CDHR3: variants seen among roughly 807,000 people sequenced by gnomAD.
CDHR3 encodes the protein cadherin-related family member 3.
Under a neutral mutation model 86.6 loss-of-function variants are expected in CDHR3, and 79 were observed. That is an observed-to-expected ratio of 0.91 (90% confidence interval 0.76 to 1.10). The LOEUF (loss-of-function observed/expected upper bound fraction) is 1.10, where lower values mean the gene tolerates loss of function less well. Among genes scored for constraint, CDHR3 ranks in the 50% least tolerant of loss-of-function variants. The pLI, the probability that CDHR3 is intolerant of heterozygous loss-of-function variation, is 0.00. For missense variants in CDHR3, 1,081 were observed against 1,077.6 expected, an observed-to-expected ratio of 1.00 and a Z score of -0.04; for synonymous variants, 421 against 402.4, an observed-to-expected ratio of 1.05 and a Z score of -0.55.
chr7:106,025,877 A>ATTT, intron 15 of CDHR3, among the ~76,000 whole-genome samples: 1 of 152,036 alleles, frequency 6.6e-6, no homozygotes, highest in Non-Finnish European at 1.5e-5. Flanking sequence ...GATTTTTTTA[A>ATTT]AAAAAAACAG....
chr7:105,980,874 T>C (rs914751883), intron 2 of CDHR3, 94 bp from the exon 3 acceptor site: 1 of 1,185,408 alleles, frequency 8.4e-7, no homozygotes, highest in African/African-American at 1.5e-5. Flanking sequence ...GGATGCCAGA[T>C]GCTTCCTTCC....
chr7:105,996,281 G>A lies in CDHR3; in HGVS notation c.640G>A (p.Gly214Arg). ...FHLIVEVRDSGGLKASTELQV... is the reference protein window; with the variant it reads ...FHLIVEVRDSRGLKASTELQV... ...TCTCATCGTGGAGGTGAGGGACAGTGGAGGCCTCAAAGCCTCCACAGAGCT... is the reference window on the plus strand; with the variant it reads ...TCTCATCGTGGAGGTGAGGGACAGTAGAGGCCTCAAAGCCTCCACAGAGCT... Residue 214 changes from glycine (G) to arginine (R), a missense_variant, in exon 6 of 19, where the codon GGA (glycine) becomes AGA (arginine). Coordinates refer to ENST00000317716, the MANE Select transcript of CDHR3 (RefSeq NM_152750.5). 2 of 1,598,480 alleles carry A rather than the reference G, an allele frequency of 1.3e-6. No individual in the cohort carries two copies. Among genetic ancestry groups the A allele is most frequent in the Non-Finnish European group, 1.7e-6 (2 of 1,167,260 alleles).
At chr7:106,022,646 G>C (rs1386812182) in intron 14 of CDHR3, among the ~76,000 whole-genome samples, 198 bp downstream of exon 14, 1 of 152,166 alleles carries the variant, frequency 6.6e-6, no homozygotes, top group Non-Finnish European at 1.5e-5. Flanking sequence ...ACTCATAACC[G>C]CTAACTCAAC....
chr7:106,028,407 A>T, intron 16 of CDHR3, 144 bp from the exon 17 acceptor site: 1 of 881,984 alleles, frequency 1.1e-6, no homozygotes, highest in Non-Finnish European at 1.9e-6. Flanking sequence ...GTCAAGAAAC[A>T]TATCTATAGA....
rs992796915 is a variant in CDHR3, at chr7:106,025,122, T to G, written c.2258+560T>G. Among the ~76,000 whole-genome samples, 10 of 152,318 alleles carry G rather than the reference T, an allele frequency of 6.6e-5. No homozygotes were observed. The East Asian group carries it at 1.7e-3, about 26-fold the overall frequency. ...TCCAGTTTTCAGCTGCCCACTAATA[T>G]GCCTCTTATTGTGCCAATCTGTGAT... On this transcript the variant is annotated intron_variant, in intron 15 of 18. Transcript: ENST00000317716.
chr7:105,993,989 T>C (rs1831798136), intron 4 of CDHR3, among the ~76,000 whole-genome samples: 1 of 152,240 alleles, frequency 6.6e-6, no homozygotes, highest in Non-Finnish European at 1.5e-5. Context: ...ACTTTCCTTA[T>C]GCCACGTGCC....
intron 2 of CDHR3, among the ~76,000 whole-genome samples, chr7:105,977,950 A>G (rs562900838): frequency 9.3e-4 from 142 of 152,342 alleles, no homozygotes; most frequent in Middle Eastern, 6.8e-3. Flanking sequence ...GGCATTTACC[A>G]TATGCCAGGA....
intron 4 of CDHR3, among the ~76,000 whole-genome samples, chr7:105,987,865 T>G (rs1830746510): frequency 6.6e-6 from 1 of 152,192 alleles, no homozygotes. Context: ...CTTAGGCAAT[T>G]ATTCTGGACG....
At chr7:105,986,562 G>A (rs981675981) in intron 4 of CDHR3, among the ~76,000 whole-genome samples, 3 of 152,198 alleles carry the variant, frequency 2.0e-5, no homozygotes, top group Non-Finnish European at 4.4e-5. Flanking sequence ...ACGTGGGAGG[G>A]CTTCAGAAAT....
rs1352280811 is a variant in CDHR3, at chr7:106,001,609, G to C, written c.861G>C (p.Gln287His). The C allele has an allele frequency of 3.1e-6, 5 of 1,613,906 alleles. No individual in the cohort carries two copies. Among genetic ancestry groups the C allele is most frequent in the Non-Finnish European group, 4.2e-6 (5 of 1,179,830 alleles). Residue 287 changes from glutamine to histidine, a missense_variant and splice_region_variant, in exon 7 of 19, where the codon CAG (glutamine) becomes CAC (histidine). Physicochemically the swap from Gln to His is conservative, Grantham distance 24 (BLOSUM62 0). Coordinates refer to ENST00000317716, the MANE Select transcript of CDHR3 (RefSeq NM_152750.5). ...TTVSKYFMIN[Q>H]LTGTIQVAQR... is the part of the protein sequence containing the mutation. ...TTAGCAAATATTTCATGATAAATCA[G>C]TGTAAGCCACTCACTTCCATCCTTA... is the stretch of plus-strand genomic sequence containing the variant.
chr7:105,997,678 G>C (rs556918924), intron 6 of CDHR3, among the ~76,000 whole-genome samples: 68 of 152,314 alleles, frequency 4.5e-4, no homozygotes, highest in African/African-American at 1.6e-3. Context: ...TCCCATCTGG[G>C]AGGAGGGGAG....
intron 1 of CDHR3, among the ~76,000 whole-genome samples, chr7:105,968,694 G>C (rs1422822759): frequency 6.6e-6 from 1 of 152,170 alleles, no homozygotes; most frequent in Non-Finnish European, 1.5e-5. Context: ...CATCTGTGCT[G>C]TGAGAATAAG....
At chr7:105,984,050 T>A in intron 3 of CDHR3, 142 bp from the exon 4 acceptor site, 1 of 481,578 alleles carries the variant, frequency 2.1e-6, no homozygotes, top group Non-Finnish European at 3.7e-6. Context: ...GTGGTCTTGC[T>A]CATGGATTTT....
At chr7:106,031,245 A>G (rs1222136627) in intron 18 of CDHR3, among the ~76,000 whole-genome samples, 1 of 146,984 alleles carries the variant, frequency 6.8e-6, no homozygotes, top group African/African-American at 2.5e-5. Context: ...TTCTAATAGC[A>G]CTTATTAGTA....
At chr7:106,008,550 C>T (rs1053875219) in intron 8 of CDHR3, among the ~76,000 whole-genome samples, 1 of 152,138 alleles carries the variant, frequency 6.6e-6, no homozygotes, top group Admixed American at 6.5e-5. Flanking sequence ...TGCTGACACC[C>T]CAATAACGTC....
In CDHR3 at chr7:106,035,632, C is replaced by A. The variant is rs953218405; in HGVS notation, c.*2935C>A. On this transcript the variant is annotated 3_prime_UTR_variant, in exon 19 of 19. Coordinates refer to ENST00000317716, the MANE Select transcript of CDHR3 (RefSeq NM_152750.5). ...AGATACAGTCTTCTCAGTCCAAATA[C>A]CCCTTGGAGGTTTCCCCTTGGCCAC... Among the ~76,000 whole-genome samples the A allele has an allele frequency of 9.9e-5, 15 of 152,172 alleles. No individual in the cohort carries two copies. The highest frequency in any genetic ancestry group is 3.6e-4 in the African/African-American group (15 of 41,444).
At chr7:106,003,721 T>C (rs1189688897) in intron 7 of CDHR3, among the ~76,000 whole-genome samples, 1 of 152,000 alleles carries the variant, frequency 6.6e-6, no homozygotes, top group African/African-American at 2.4e-5. Context: ...AGAAAAACAA[T>C]GTCCTGTTGG....
intron 8 of CDHR3, 107 bp from the exon 9 acceptor site, chr7:106,012,753 A>C (rs1049938360): frequency 1.6e-6 from 2 of 1,216,974 alleles, no homozygotes; most frequent in African/African-American, 3.0e-5. Flanking sequence ...CCATGGACTT[A>C]CTTTGAATTG....
intron 4 of CDHR3, among the ~76,000 whole-genome samples, chr7:105,989,056 A>G (rs552512301): frequency 6.6e-6 from 1 of 152,284 alleles, no homozygotes; most frequent in Non-Finnish European, 1.5e-5. Flanking sequence ...TAGATCTAGC[A>G]TTGGTTCCCC....
Sources: gnomAD v4.1 joint callset for allele counts (sites outside exome capture counted in the v4.1 genomes callset) on GRCh38, gnomAD v4.1.1 for gene constraint, MANE v1.5 for transcripts, NCBI Gene and HGNC (gene_info 2026-07-23, HGNC 2026-07-21) for gene names.